The following KCND2 variants were observed in gnomAD, a reference collection of about 807,000 sequenced individuals.
KCND2 encodes the protein A-type voltage-gated potassium channel KCND2.
In KCND2, 16 loss-of-function variants were observed where a neutral mutation model predicts 54.4. The observed-to-expected ratio is 0.29, with a 90% CI of 0.20 to 0.45. The LOEUF (loss-of-function observed/expected upper bound fraction) is 0.45, where lower values mean the gene tolerates loss of function less well. Ranked by LOEUF, KCND2 falls within the 20% of genes least tolerant of loss-of-function variation. KCND2 has a pLI of 1.00. For synonymous variants in KCND2, 317 were observed against 310.7 expected, an observed-to-expected ratio of 1.02 and a Z score of -0.21; for missense variants, 486 against 824.2, an observed-to-expected ratio of 0.59 and a Z score of 5.02.
intron 1 of KCND2, among the ~76,000 whole-genome samples, chr7:120,623,195 A>T (rs959927014): frequency 6.6e-5 from 10 of 152,180 alleles, no homozygotes; most frequent in Non-Finnish European, 2.9e-5. Context: ...CACTGCCAAG[A>T]TTGGAAACAA....
At chr7:120,454,730 G>A (rs1356433035) in intron 1 of KCND2, among the ~76,000 whole-genome samples, 1 of 152,102 alleles carries the variant, frequency 6.6e-6, no homozygotes, top group Admixed American at 6.5e-5. Context: ...TAGTAAGAGA[G>A]AAAGTCATCC....
intron 1 of KCND2, among the ~76,000 whole-genome samples, chr7:120,398,706 C>T (rs1283620608): frequency 1.3e-5 from 2 of 152,008 alleles, no homozygotes; most frequent in Non-Finnish European, 2.9e-5. Flanking sequence ...TTTGTGTCTA[C>T]CTTGAATGTG....
chr7:120,313,420 C>G (rs951940226), intron 1 of KCND2, among the ~76,000 whole-genome samples: 1 of 151,934 alleles, frequency 6.6e-6, no homozygotes, highest in Non-Finnish European at 1.5e-5. Flanking sequence ...GGAAGGAAAG[C>G]CTTTGTTATT....
chr7:120,463,969 G>A (rs1267352433), intron 1 of KCND2: 1 of 716,650 alleles, frequency 1.4e-6, no homozygotes, highest in African/African-American at 2.0e-5. Context: ...ATGAATAGTA[G>A]AATACCCTGA....
rs917246881 is a variant in KCND2, at chr7:120,404,776, C to T, written c.1115+129029C>T. 3.4e-4 allele frequency among the ~76,000 whole-genome samples: 5 copies of T among 14,708 alleles called. No homozygotes were observed. In the Admixed American group the frequency reaches 4.4e-3, roughly 13 times the overall value. 9.6% of individuals were successfully genotyped at this position (14,708 alleles called of 152,430 possible). A position where few individuals can be genotyped will look rare whatever the true frequency, so the allele number is the denominator to read the frequency against. ...ATTAGCACTGATTTTTGGGGGGGGA[C>T]CTTTGTGAATTTGTCTTTTGTAGCT... is the stretch of plus-strand genomic sequence containing the variant. On this transcript the variant is annotated intron_variant, in intron 1 of 5. Transcript: ENST00000331113.
intron 1 of KCND2, among the ~76,000 whole-genome samples, chr7:120,524,739 C>G (rs1346067294): frequency 6.6e-6 from 1 of 152,132 alleles, no homozygotes; most frequent in African/African-American, 2.4e-5. Flanking sequence ...TTAGTCAATA[C>G]CCTAATGCAC....
At chr7:120,478,069 A>G (rs1008567755) in intron 1 of KCND2, among the ~76,000 whole-genome samples, 2 of 152,188 alleles carry the variant, frequency 1.3e-5, no homozygotes, top group African/African-American at 4.8e-5. Context: ...TTCATTCATC[A>G]TGCATTACAC....
intron 1 of KCND2, among the ~76,000 whole-genome samples, chr7:120,326,198 T>C (rs988583891): frequency 6.6e-6 from 1 of 152,090 alleles, no homozygotes; most frequent in African/African-American, 2.4e-5. Flanking sequence ...TAATGACGAA[T>C]GTACCTATGC....
At chr7:120,562,384 C>T (rs958629860) in intron 1 of KCND2, among the ~76,000 whole-genome samples, 3 of 152,124 alleles carry the variant, frequency 2.0e-5, no homozygotes, top group African/African-American at 7.2e-5. Flanking sequence ...TCAAGAAAGA[C>T]AAGGACTAAA....
chr7:120,286,990 A>G (rs1799355084), intron 1 of KCND2, among the ~76,000 whole-genome samples: 1 of 152,096 alleles, frequency 6.6e-6, no homozygotes, highest in African/African-American at 2.4e-5. Flanking sequence ...AAAGAAAAGC[A>G]GGAAGTATAG....
At chr7:120,702,876 C>T (rs1792421027) in intron 1 of KCND2, among the ~76,000 whole-genome samples, 1 of 152,014 alleles carries the variant, frequency 6.6e-6, no homozygotes, top group South Asian at 2.1e-4. Context: ...TACAATAACC[C>T]CCCCGTCACA....
chr7:120,727,909 G>C (rs1562921629), intron 1 of KCND2, among the ~76,000 whole-genome samples: 1 of 152,012 alleles, frequency 6.6e-6, no homozygotes, highest in African/African-American at 2.4e-5. Context: ...GCTGAGGACG[G>C]TGGATCACAA....
intron 2 of KCND2, among the ~76,000 whole-genome samples, chr7:120,739,194 T>C (rs759958333): frequency 6.6e-6 from 1 of 152,004 alleles, no homozygotes; most frequent in Non-Finnish European, 1.5e-5. Flanking sequence ...GAAAACAGTT[T>C]TACCCAATGC....
At chr7:120,505,082 C>T (rs914927184) in intron 1 of KCND2, among the ~76,000 whole-genome samples, 1 of 151,734 alleles carries the variant, frequency 6.6e-6, no homozygotes, top group East Asian at 1.9e-4. Flanking sequence ...TATTTAAAGA[C>T]ATATATGTAT....
intron 1 of KCND2, among the ~76,000 whole-genome samples, chr7:120,378,676 A>T (rs761746232): frequency 2.6e-5 from 4 of 152,034 alleles, no homozygotes; most frequent in Non-Finnish European, 5.9e-5. Context: ...GCCTTGTCAT[A>T]TAAATCTTTA....
intron 1 of KCND2, among the ~76,000 whole-genome samples, chr7:120,606,988 G>A (rs1410105129): frequency 6.6e-6 from 1 of 152,062 alleles, no homozygotes; most frequent in Non-Finnish European, 1.5e-5. Flanking sequence ...GTAGATTATT[G>A]TATCTTGGAT....
rs563954172 is a variant in KCND2 at position 120,684,713 on chromosome 7, G to A, written c.1116-48190G>A. Among the ~76,000 whole-genome samples, 14 of 152,238 alleles carry A rather than the reference G, an allele frequency of 9.2e-5. No individual in the cohort carries two copies. In the East Asian group the frequency reaches 2.7e-3, roughly 29 times the overall value. ...GGTGAGCAGAGGGCAAGCCAGAAAA[G>A]CTTCATCAGTATTTACAGCCACTCC... is the stretch of plus-strand genomic sequence containing the variant. On this transcript the variant is annotated intron_variant, in intron 1 of 5. Coordinates refer to ENST00000331113, the MANE Select transcript of KCND2 (RefSeq NM_012281.3).
At chr7:120,678,771 TA>T (rs1792103898) in intron 1 of KCND2, among the ~76,000 whole-genome samples, 2 of 122,190 alleles carry the variant, frequency 1.6e-5, no homozygotes, top group Admixed American at 7.9e-5. Flanking sequence ...TATATATATA[TA>T]TATATACACA....
intron 1 of KCND2, among the ~76,000 whole-genome samples, chr7:120,630,466 A>G (rs1005422471): frequency 1.3e-4 from 20 of 152,208 alleles, no homozygotes; most frequent in African/African-American, 4.6e-4. Flanking sequence ...ATGTTCAACC[A>G]GGTCCATTCC....
Sources: gnomAD v4.1 joint callset for allele counts (sites outside exome capture counted in the v4.1 genomes callset) on GRCh38, gnomAD v4.1.1 for gene constraint, MANE v1.5 for transcripts, NCBI Gene and HGNC (gene_info 2026-07-23, HGNC 2026-07-21) for gene names.